Variants in SEMA6C observed in about 807,000 individuals in gnomAD.
SEMA6C encodes the protein semaphorin-6C.
In SEMA6C, 37 loss-of-function variants were observed where a neutral mutation model predicts 72.9. That is an observed-to-expected ratio of 0.51 (90% CI 0.39 to 0.67). SEMA6C has a LOEUF of 0.67. SEMA6C is among the 30% of genes least tolerant of loss of function. The probability of loss-of-function intolerance (pLI) is 0.00; values close to 1 mark genes in which losing one functional copy is unlikely to be tolerated. For synonymous variants in SEMA6C, 578 were observed against 554.1 expected (o/e 1.04, Z -0.61); for missense variants, 1,189 against 1,263.6 (o/e 0.94, Z 0.89).
At chr1:151,134,709 T>G in intron 16 of SEMA6C, 34 bp from the exon 17 acceptor site, 1 of 1,613,416 alleles carries the variant, frequency 6.2e-7, no homozygotes, top group South Asian at 1.1e-5. Context: ...TAGAATTCTG[T>G]ACGTTGTCCG....
At chr1:151,139,770 C>A in intron 4 of SEMA6C, 69 bp from the exon 5 acceptor site, 1 of 1,450,300 alleles carries the variant, frequency 6.9e-7, no homozygotes, top group South Asian at 1.3e-5. Flanking sequence ...GTCAGCTGTT[C>A]AGGGACAAAC....
intron 6 of SEMA6C, 21 bp downstream of exon 6, chr1:151,139,404 C>T: frequency 6.2e-7 from 1 of 1,607,286 alleles, no homozygotes. Context: ...CTTCCCTCCA[C>T]ATTCTCGTCT....
Position 151,132,681 on chromosome 1 carries a change from G to C in SEMA6C, c.2596C>G (p.Arg866Gly), listed in dbSNP as rs896606555. 1.3e-6 allele frequency: 2 copies of C among 1,544,790 alleles called. No homozygotes were observed. The highest frequency in any genetic ancestry group is 1.7e-6 in the Non-Finnish European group (2 of 1,143,950). ...CTGGAGGGACCTCCCGAGGGGACTC[G>C]AGTGAGCAGGGCAGGGGGGGCCCGG... Reference protein sequence around the residue: ...GHRAPPALLTRVPSGGPSRYS... With the variant: ...GHRAPPALLTGVPSGGPSRYS... The change falls in exon 19 of 19, where the codon CGA becomes GGA. Residue 866 changes from arginine (R) to glycine (G), a missense_variant. Physicochemically the swap from Arg to Gly is moderately radical, Grantham distance 125 (BLOSUM62 -2). Coordinates refer to ENST00000368914, the MANE Select transcript of SEMA6C (RefSeq NM_030913.6).
chr1:151,132,626 A>T lies in SEMA6C; in HGVS notation c.2651T>A (p.Leu884Gln). 6.4e-7 allele frequency: 1 copy of T among 1,550,894 alleles called. No homozygotes were observed. Among genetic ancestry groups the T allele is most frequent in the Non-Finnish European group, 8.7e-7 (1 of 1,147,064 alleles). ...RYSGGPGKHL[L>Q]YLGRPEGYRG... ...GTAGCCCTCGGGCCGGCCCAGGTACAGGAGGTGCTTCCCGGGACCCCCGGA... is the reference window on the plus strand; with the variant it reads ...GTAGCCCTCGGGCCGGCCCAGGTACTGGAGGTGCTTCCCGGGACCCCCGGA... The change falls in exon 19 of 19, where the codon CTG becomes CAG. Residue 884 changes from leucine to glutamine, a missense_variant. Physicochemically the swap from Leu to Gln is moderately radical, Grantham distance 113 (BLOSUM62 -2). Coordinates refer to ENST00000368914, the MANE Select transcript of SEMA6C (RefSeq NM_030913.6).
chr1:151,134,202 T>C (rs1681821709), intron 18 of SEMA6C, 199 bp downstream of exon 18: 1 of 743,512 alleles, frequency 1.3e-6, no homozygotes. Flanking sequence ...GGGCTCATCA[T>C]GCAGGACATT....
In SEMA6C at chr1:151,139,684, A is replaced by G. The variant is rs774138847; in HGVS notation, c.251T>C (p.Phe84Ser). 5 of 1,604,744 alleles carry G rather than the reference A, an allele frequency of 3.1e-6. No individual in the cohort carries two copies. The highest frequency in any genetic ancestry group is 8.5e-7 in the Non-Finnish European group (1 of 1,173,588). Residue 84 changes from phenylalanine to serine, a missense_variant, in exon 5 of 19, where the codon TTC becomes TCC. Transcript: ENST00000368914. ...CCCTTCTTCTTCGGCTTGAAGATCG[A>G]AGGAGAAAACGTGATCCCTGAGGGG... ...LVAARDHVFS[F>S]DLQAEEEGEG...
In SEMA6C at chr1:151,134,780, C is replaced by T; in HGVS notation, c.1658+18G>A. 1.2e-6 allele frequency: 2 copies of T among 1,613,700 alleles called. No homozygotes were observed. Among genetic ancestry groups the T allele is most frequent in the African/African-American group, 2.7e-5 (2 of 74,998 alleles). On this transcript the variant is annotated intron_variant, in intron 16 of 18. Coordinates refer to ENST00000368914, the MANE Select transcript of SEMA6C (RefSeq NM_030913.6). Reference sequence around the variant, plus strand: ...TGGGGAATTTTATGCTCAGGAAACCCAAGGACCCATCACTTACCCACCAGA... The same window carrying T: ...TGGGGAATTTTATGCTCAGGAAACCTAAGGACCCATCACTTACCCACCAGA...
rs778127609 is a variant in SEMA6C at position 151,135,762 on chromosome 1, G to T, written c.1262C>A (p.Ala421Asp). The part of the protein sequence containing the change: ...HQPLLTLTSR[A>D]LLTQVAVDGM... The stretch of plus-strand genomic sequence containing the variant: ...ATCCACAGCTACTTGGGTCAGTAGG[G>T]CCCTGGAGGAAAGGGCCTCAGGTCA... Residue 421 changes from alanine to aspartate, a missense_variant and splice_region_variant, in exon 14 of 19, where the codon GCC (alanine) becomes GAC (aspartate). By Grantham distance (126) the Ala-to-Asp change is moderately radical. Coordinates refer to ENST00000368914, the MANE Select transcript of SEMA6C (RefSeq NM_030913.6). The T allele has an allele frequency of 1.9e-6, 3 of 1,613,846 alleles. No individual in the cohort carries two copies. The South Asian group carries it at 3.3e-5, about 18-fold the overall frequency.
rs148088890 is a variant in SEMA6C at position 151,138,027 on chromosome 1, G to A, written c.626C>T (p.Pro209Leu). ...GTCATACTTGGCGGAGCGGAGTGGG[G>A]GCTGGGGCCCAAGGCTTCTGTAAAC... The part of the protein sequence containing the change: ...AVVYRSLGPQ[P>L]PLRSAKYDSK... Residue 209 changes from proline to leucine, a missense_variant, in exon 9 of 19, where the codon CCC becomes CTC. Transcript: ENST00000368914. 1 of 1,614,204 alleles carries A rather than the reference G, an allele frequency of 6.2e-7. No homozygotes were observed. The highest frequency in any genetic ancestry group is 8.5e-7 in the Non-Finnish European group (1 of 1,180,030).
At chr1:151,139,873 C>A in intron 4 of SEMA6C, 103 bp downstream of exon 4, 1 of 1,261,080 alleles carries the variant, frequency 7.9e-7, no homozygotes, top group East Asian at 2.5e-5. Context: ...GTGGCTTGTG[C>A]ACCTGCATGT....
In SEMA6C at chr1:151,133,007, C is replaced by A. The variant is rs1681690687; in HGVS notation, c.2270G>T (p.Cys757Phe). The change falls in exon 19 of 19, where the codon TGT becomes TTT. Residue 757 changes from cysteine (C) to phenylalanine (F), a missense_variant. By Grantham distance (205) the Cys-to-Phe change is radical. Coordinates refer to ENST00000368914, the MANE Select transcript of SEMA6C (RefSeq NM_030913.6). The surrounding 1 kb of genome is among the most constrained non-coding windows in gnomAD (Gnocchi z 5.9). ...GGTGACTTCCACGGCCTGCCCGGGA[C>A]AGCCGGGCGGCGGTGGCCTCACCAG... ...RVLVRPPPPG[C>F]PGQAVEVTTL... 7.1e-7 allele frequency: 1 copy of A among 1,408,998 alleles called. No individual in the cohort carries two copies. The highest frequency in any genetic ancestry group is 2.6e-5 in the Admixed American group (1 of 38,620). The allele number at this position is 1,408,998 out of a possible 1,614,324, so 87.3% of individuals were successfully genotyped here. A position where few individuals can be genotyped will look rare whatever the true frequency, so the allele number is the denominator to read the frequency against.
Position 151,138,389 on chromosome 1 carries a change from C to G in SEMA6C, c.474G>C (p.Gln158His). ...CCTGCCCACTCAGTTCCTCACCCTC[C>G]TGCTGCAGCGAAGTTATCTGAGGGC... is the stretch of plus-strand genomic sequence containing the variant. ...CRSYGITSLQQEGEELSGQAR... is the reference protein window; with the variant it reads ...CRSYGITSLQHEGEELSGQAR... Residue 158 changes from glutamine (Q) to histidine (H), a missense_variant, in exon 8 of 19, where the codon CAG becomes CAC. By Grantham distance (24) the Gln-to-His change is conservative (BLOSUM62 0). Transcript: ENST00000368914. 2 of 1,613,848 alleles carry G rather than the reference C, an allele frequency of 1.2e-6. No individual in the cohort carries two copies. Among genetic ancestry groups the G allele is most frequent in the Non-Finnish European group, 8.5e-7 (1 of 1,179,864 alleles).
Position 151,133,121 on chromosome 1 carries a change from C to T in SEMA6C, c.2156G>A (p.Trp719Ter). The change falls in exon 19 of 19, where the codon TGG (tryptophan) becomes TAG (stop). Residue 719 changes from tryptophan to a stop codon, truncating the protein, a stop_gained. Coordinates refer to ENST00000368914, the MANE Select transcript of SEMA6C (RefSeq NM_030913.6). LOFTEE classifies it low-confidence loss of function (END_TRUNC). The surrounding 1 kb of genome is among the most constrained non-coding windows in gnomAD (Gnocchi z 5.9). ...VKHLRAAGDP[W>*]EWNQNRNNAK... ...GTTGTTCCTGTTCTGGTTCCACTCC[C>T]AGGGGTCCCCGGCGGCGCGGAGGTG... is the stretch of plus-strand genomic sequence containing the variant. The T allele has an allele frequency of 6.4e-7, 1 of 1,566,090 alleles. No individual in the cohort carries two copies. The highest frequency in any genetic ancestry group is 8.6e-7 in the Non-Finnish European group (1 of 1,167,594).
In SEMA6C at chr1:151,139,411, G is replaced by T; in HGVS notation, c.354+14C>A. ...ATCCTCTCCTTCCCTCCACATTCTC[G>T]TCTCACTCCTTACCGTCAGCTTTCC... On this transcript the variant is annotated intron_variant, in intron 6 of 18. Transcript: ENST00000368914. 6.2e-7 allele frequency: 1 copy of T among 1,610,598 alleles called. No homozygotes were observed. The highest frequency in any genetic ancestry group is 1.7e-5 in the Admixed American group (1 of 60,014).
At chr1:151,142,998 C>A (rs1021851886) in intron 2 of SEMA6C, among the ~76,000 whole-genome samples, 1 of 152,186 alleles carries the variant, frequency 6.6e-6, no homozygotes. Flanking sequence ...CCTGGCCCCC[C>A]TCTTGCTAAC....
chr1:151,135,845 C>T, intron 13 of SEMA6C, 81 bp from the exon 14 acceptor site: 1 of 1,531,462 alleles, frequency 6.5e-7, no homozygotes, highest in Non-Finnish European at 8.9e-7. Flanking sequence ...GCCTTGGTAG[C>T]TGTGCCTGTG....
intron 3 of SEMA6C, 70 bp downstream of exon 3, chr1:151,142,434 C>T: frequency 1.3e-6 from 2 of 1,581,736 alleles, no homozygotes; most frequent in Admixed American, 1.7e-5. Context: ...CTGCACCTTG[C>T]CTCCCACACA....
chr1:151,135,338 T>A, intron 14 of SEMA6C, 29 bp from the exon 15 acceptor site: 1 of 1,598,204 alleles, frequency 6.3e-7, no homozygotes. Flanking sequence ...GAACCAGAGA[T>A]GGACAGATGA....
Position 151,138,058 on chromosome 1 carries a change from C to A in SEMA6C, c.595G>T (p.Ala199Ser). 1 of 1,614,206 alleles carries A rather than the reference C, an allele frequency of 6.2e-7. No homozygotes were observed. Among genetic ancestry groups the A allele is most frequent in the South Asian group, 1.1e-5 (1 of 91,086 alleles). The change falls in exon 9 of 19, where the codon GCT (alanine) becomes TCT (serine). Residue 199 changes from alanine to serine, a missense_variant. Ala to Ser is a moderately conservative substitution (Grantham distance 99). Around this residue, in one of 2 missense-constraint regions of SEMA6C, gnomAD observed 468 missense variants for 577.4 expected, o/e 0.81. Coordinates refer to ENST00000368914, the MANE Select transcript of SEMA6C (RefSeq NM_030913.6). ...GGCCCAAGGCTTCTGTAAACTACAG[C>A]ATCACTGGCCTGGAAATCCGCAGCT... Reference protein sequence around the residue: ...ATAADFQASDAVVYRSLGPQP... With the variant: ...ATAADFQASDSVVYRSLGPQP...
Sources: allele counts gnomAD v4.1 joint callset (sites outside exome capture counted in the v4.1 genomes callset), GRCh38; gene constraint gnomAD v4.1.1; regional missense constraint gnomAD v4.1.1; non-coding constraint Gnocchi (gnomAD v3.1); transcripts MANE v1.5; gene names NCBI Gene and HGNC (gene_info 2026-07-23, HGNC 2026-07-21).